Variants in MPP7 observed in about 807,000 individuals in gnomAD.
MPP7 encodes the protein MAGUK p55 scaffold protein 7.
Under a neutral mutation model 76.5 loss-of-function variants are expected in MPP7, and 60 were observed. The ratio of observed to expected loss-of-function variants is 0.78; its 90% CI spans 0.64 to 0.97. The LOEUF (loss-of-function observed/expected upper bound fraction) is 0.97, where lower values mean the gene tolerates loss of function less well. Among genes scored for constraint, MPP7 ranks in the 50% least tolerant of loss-of-function variants. The pLI is 0.00. For missense variants in MPP7, 641 were observed against 694.0 expected (o/e 0.92, Z 0.86); for synonymous variants, 237 against 244.5 (o/e 0.97, Z 0.29).
At chr10:28,123,457 AAATTC>A (rs1489285672) in intron 8 of MPP7, among the ~76,000 whole-genome samples, 49 of 148,356 alleles carry the variant, frequency 3.3e-4, no homozygotes, top group African/African-American at 1.1e-3. Context: ...GACAGGTACT[AAATTC>A]TTTTTTTTTT....
chr10:28,094,639 A>G (rs1231841094), intron 11 of MPP7, among the ~76,000 whole-genome samples: 3 of 152,204 alleles, frequency 2.0e-5, no homozygotes, highest in African/African-American at 4.8e-5. Context: ...AAAATAAAAA[A>G]AAGCGGGGTG....
chr10:28,268,895 G>C (rs1364320848), intron 1 of MPP7, among the ~76,000 whole-genome samples: 1 of 151,660 alleles, frequency 6.6e-6, no homozygotes, highest in Admixed American at 6.6e-5. Flanking sequence ...CTCCAGCCTG[G>C]GCAACAGACC....
At chr10:28,292,451 G>C (rs1202894175) in intron 1 of MPP7, among the ~76,000 whole-genome samples, 1 of 142,660 alleles carries the variant, frequency 7.0e-6, no homozygotes, top group Non-Finnish European at 1.6e-5. Flanking sequence ...GATCATTACG[G>C]AAAAAAAAAA....
chr10:28,055,597 C>T (rs184932724), intron 16 of MPP7, among the ~76,000 whole-genome samples: 1 of 152,280 alleles, frequency 6.6e-6, no homozygotes, highest in African/African-American at 2.4e-5. Context: ...TCCAATAACA[C>T]TCATAGAAAA....
chr10:28,325,253 A>C (rs1223367498), intron 2 of MPP7, among the ~76,000 whole-genome samples: 1 of 152,200 alleles, frequency 6.6e-6, no homozygotes, highest in African/African-American at 2.4e-5. Context: ...TCATGGTCAG[A>C]GTCAATAACA....
At chr10:28,104,258 C>G (rs1326852408) in intron 11 of MPP7, among the ~76,000 whole-genome samples, 1 of 151,860 alleles carries the variant, frequency 6.6e-6, no homozygotes, top group African/African-American at 2.4e-5. Flanking sequence ...AAGAGCTCAT[C>G]AAATTAACAG....
At position 28,100,583 on chromosome 10, in the gene MPP7, T is replaced by C. The variant is rs376747628; in HGVS notation, c.953-10742A>G. On this transcript the variant is annotated intron_variant, in intron 11 of 16. Transcript: ENST00000683449. ...GCCAATTATACACATGCTAATTTTG[T>C]AGATAAAGGGGAAAAAGGCTTTCAA... is the stretch of plus-strand genomic sequence containing the variant. 2.6e-5 allele frequency among the ~76,000 whole-genome samples: 4 copies of C among 152,288 alleles called. No homozygotes were observed. In the East Asian group the frequency reaches 7.7e-4, roughly 29 times the overall value.
chr10:28,056,575 T>C lies in MPP7; in HGVS notation c.1456A>G (p.Ile486Val), dbSNP rs1175710750. Residue 486 changes from isoleucine to valine, a missense_variant, in exon 16 of 17, where the codon ATA (isoleucine) becomes GTA (valine). Transcript: ENST00000683449. ...AAACGCTCTATTGATGGAGGCTTTA[T>C]AAATATCACATAGGGCTTAAATTCT... ...TLEFKPYVIF[I>V]KPPSIERLRE... 3 of 1,610,422 alleles carry C rather than the reference T, an allele frequency of 1.9e-6. No individual in the cohort carries two copies. The highest frequency in any genetic ancestry group is 2.7e-5 in the African/African-American group (2 of 74,584).
chr10:28,115,076 G>T (rs1185175240), intron 11 of MPP7, among the ~76,000 whole-genome samples: 1 of 146,226 alleles, frequency 6.8e-6, no homozygotes, highest in Non-Finnish European at 1.5e-5. Flanking sequence ...TAGGTTTTTT[G>T]TTTGTTTGTT....
intron 1 of MPP7, among the ~76,000 whole-genome samples, chr10:28,267,630 AAAAAT>A (rs1352189624): frequency 2.0e-5 from 3 of 152,202 alleles, no homozygotes; most frequent in South Asian, 4.1e-4. Flanking sequence ...ATTCCAAAAG[AAAAAT>A]AAAATAAAAT....
intron 7 of MPP7, among the ~76,000 whole-genome samples, chr10:28,124,641 A>G (rs61842986): frequency 7.4e-5 from 10 of 134,318 alleles, no homozygotes; most frequent in African/African-American, 3.2e-4. Context: ...ACACTTGACT[A>G]ATTTTTTTTT....
intron 2 of MPP7, among the ~76,000 whole-genome samples, chr10:28,207,816 A>AC (rs1157862780): frequency 6.6e-6 from 1 of 152,162 alleles, no homozygotes; most frequent in African/African-American, 2.4e-5. Context: ...GTTGGAGAAC[A>AC]CCCAAGGTGG....
chr10:28,123,378 G>C (rs1052156477), intron 8 of MPP7, among the ~76,000 whole-genome samples: 2 of 151,748 alleles, frequency 1.3e-5, no homozygotes, highest in African/African-American at 2.4e-5. Context: ...TCAATGGGAG[G>C]AAGACAAAGA....
At chr10:28,314,635 A>G (rs1395083072) in intron 2 of MPP7, among the ~76,000 whole-genome samples, 2 of 152,226 alleles carry the variant, frequency 1.3e-5, no homozygotes, top group South Asian at 2.1e-4. Context: ...TGACAATTCT[A>G]CCTTAGACAC....
intron 11 of MPP7, among the ~76,000 whole-genome samples, chr10:28,096,353 T>G (rs897225976): frequency 1.3e-5 from 2 of 152,232 alleles, no homozygotes; most frequent in African/African-American, 4.8e-5. Flanking sequence ...CTTCAGTGAT[T>G]TGACAAGTGA....
chr10:28,132,320 T>A (rs1196764889), intron 5 of MPP7, among the ~76,000 whole-genome samples: 1 of 152,178 alleles, frequency 6.6e-6, no homozygotes, highest in Non-Finnish European at 1.5e-5. Context: ...GTTTTGGACT[T>A]TCAACAAACT....
Position 28,089,792 on chromosome 10 carries a change from A to G in MPP7, c.1002T>C (p.Asn334=), listed in dbSNP as rs142319482. 1.7e-4 allele frequency: 269 copies of G among 1,597,440 alleles called. No homozygotes were observed. Among genetic ancestry groups the G allele is most frequent in the Non-Finnish European group, 2.2e-4 (257 of 1,166,532 alleles). The change falls in exon 12 of 17, where the codon AAT becomes AAC. Residue 334 remains asparagine (N), a synonymous_variant. Transcript: ENST00000683449. ...FRLSRKDKKT[N]KSMYECKKSD... Reference sequence around the variant, plus strand: ...TCTTCTTGCATTCATACATGGATTTATTTGTTTTCTTATCTTTTCTACTAA... The same window carrying G: ...TCTTCTTGCATTCATACATGGATTTGTTTGTTTTCTTATCTTTTCTACTAA...
chr10:28,146,420 G>C (rs1238978469), intron 5 of MPP7, among the ~76,000 whole-genome samples: 5 of 67,610 alleles, frequency 7.4e-5, no homozygotes, highest in Non-Finnish European at 1.5e-4. Context: ...TTTTTTTTTT[G>C]AGACGGAGTC....
intron 1 of MPP7, among the ~76,000 whole-genome samples, chr10:28,265,584 T>C (rs1041502308): frequency 2.0e-5 from 3 of 152,122 alleles, no homozygotes; most frequent in African/African-American, 7.2e-5. Flanking sequence ...AAAAATGCCT[T>C]TACATCTTAA....
Sources: gnomAD v4.1 joint callset for allele counts (sites outside exome capture counted in the v4.1 genomes callset) on GRCh38, gnomAD v4.1.1 for gene constraint, MANE v1.5 for transcripts, NCBI Gene and HGNC (gene_info 2026-07-23, HGNC 2026-07-21) for gene names.